MOB3B: variants seen among roughly 807,000 people sequenced by gnomAD.
MOB3B encodes MOB kinase activator 3B.
MOB3B carries 7 observed loss-of-function variants against 18.7 expected under a neutral mutation model. The ratio of observed to expected loss-of-function variants is 0.37; its 90% CI spans 0.21 to 0.70. The LOEUF (loss-of-function observed/expected upper bound fraction) is 0.70. Ranked by LOEUF, MOB3B falls within the 30% of genes least tolerant of loss-of-function variation. The pLI, the probability that MOB3B is intolerant of heterozygous loss-of-function variation, is 0.52. For missense variants in MOB3B, 253 were observed against 281.3 expected, an observed-to-expected ratio of 0.90 and a Z score of 0.72; for synonymous variants, 111 against 99.9, an observed-to-expected ratio of 1.11 and a Z score of -0.66.
chr9:27,345,729 T>A (rs1432318785), intron 3 of MOB3B, among the ~76,000 whole-genome samples: 2 of 152,224 alleles, frequency 1.3e-5, no homozygotes, highest in Non-Finnish European at 2.9e-5. Flanking sequence ...GGCTCCTTAC[T>A]CCTGTTTCAC....
At chr9:27,391,615 T>G (rs2131382918) in intron 2 of MOB3B, 1 of 152,334 alleles carries the variant, frequency 6.6e-6, no homozygotes, top group South Asian at 2.1e-4. Flanking sequence ...TCCAAAAAAT[T>G]ACAAATCATT....
chr9:27,425,100 G>A lies in MOB3B; in HGVS notation c.418+30033C>T, dbSNP rs140021944. ...ATTCAAAGTAACTGGGGGCATCCAG[G>A]CGCGGTGGCTTGTGCTTGTAATCCC... On this transcript the variant is annotated intron_variant, in intron 2 of 3. Transcript: ENST00000262244. 1.5e-3 allele frequency among the ~76,000 whole-genome samples: 234 copies of A among 152,296 alleles called. 2 individuals carry two copies. Among genetic ancestry groups the A allele is most frequent in the African/African-American group, 4.6e-3 (193 of 41,550 alleles).
At chr9:27,495,839 A>C (rs552285775) in intron 1 of MOB3B, among the ~76,000 whole-genome samples, 5 of 152,350 alleles carry the variant, frequency 3.3e-5, no homozygotes, top group African/African-American at 1.2e-4. Context: ...TCACTTTAGA[A>C]AGATAAAGTT....
chr9:27,386,634 G>A (rs762756157), intron 2 of MOB3B, among the ~76,000 whole-genome samples: 3 of 152,210 alleles, frequency 2.0e-5, no homozygotes, highest in Non-Finnish European at 4.4e-5. Context: ...GGGTCATGTG[G>A]AACACTGTAC....
At chr9:27,359,558 T>C (rs547330308) in intron 2 of MOB3B, among the ~76,000 whole-genome samples, 2 of 152,328 alleles carry the variant, frequency 1.3e-5, no homozygotes, top group Non-Finnish European at 1.5e-5. Context: ...CTGCATTTTT[T>C]AAACATTAGC....
intron 1 of MOB3B, among the ~76,000 whole-genome samples, chr9:27,472,580 G>A (rs966221129): frequency 1.3e-5 from 2 of 148,484 alleles, no homozygotes; most frequent in Admixed American, 1.4e-4. Flanking sequence ...GAAACACACA[G>A]TCACCATTCC....
In MOB3B at chr9:27,504,259, C is replaced by T. The variant is rs1009772954; in HGVS notation, c.-199+25296G>A. ...CCCCAGTCCAGTGATAACAATGCTA[C>T]TGCAGGATTTGCACCATGATTTTAA... On this transcript the variant is annotated intron_variant, in intron 1 of 3. Transcript: ENST00000262244. 3.9e-5 allele frequency among the ~76,000 whole-genome samples: 6 copies of T among 152,224 alleles called. No individual in the cohort carries two copies. The South Asian group carries it at 8.3e-4, about 21-fold the overall frequency.
At chr9:27,370,628 T>C (rs1004492810) in intron 2 of MOB3B, among the ~76,000 whole-genome samples, 1 of 152,134 alleles carries the variant, frequency 6.6e-6, no homozygotes, top group Admixed American at 6.5e-5. Context: ...CACCAGACAC[T>C]GAATCTGTCA....
chr9:27,516,400 G>C (rs1820234639), intron 1 of MOB3B, among the ~76,000 whole-genome samples: 1 of 152,178 alleles, frequency 6.6e-6, no homozygotes, highest in African/African-American at 2.4e-5. Context: ...TATTTCATGG[G>C]AGGCATATAC....
intron 2 of MOB3B, among the ~76,000 whole-genome samples, chr9:27,449,197 T>C (rs761192101): frequency 6.6e-6 from 1 of 152,216 alleles, no homozygotes; most frequent in East Asian, 1.9e-4. Flanking sequence ...TTTATAACCC[T>C]CATCACAGAG....
intron 2 of MOB3B, among the ~76,000 whole-genome samples, chr9:27,391,570 T>C (rs1488944210): frequency 6.6e-6 from 1 of 152,228 alleles, no homozygotes; most frequent in Non-Finnish European, 1.5e-5. Flanking sequence ...TTAATGAAAG[T>C]AAGTGTTTAC....
At chr9:27,512,877 AATGT>A (rs2131502093) in intron 1 of MOB3B, among the ~76,000 whole-genome samples, 1 of 152,322 alleles carries the variant, frequency 6.6e-6, no homozygotes, top group South Asian at 2.1e-4. Context: ...TAAATATCAT[AATGT>A]ATAGGAATAT....
In MOB3B at chr9:27,330,356, T is replaced by C; in HGVS notation, c.*231A>G. 1 of 502,068 alleles carries C rather than the reference T, an allele frequency of 2.0e-6. No homozygotes were observed. The highest frequency in any genetic ancestry group is 3.5e-6 in the Non-Finnish European group (1 of 283,532). The allele number at this position is 502,068 out of a possible 1,614,324, so 31.1% of individuals were successfully genotyped here. A position where few individuals can be genotyped will look rare whatever the true frequency, so the allele number is the denominator to read the frequency against. On this transcript the variant is annotated 3_prime_UTR_variant, in exon 4 of 4. Transcript: ENST00000262244. ...CCAGCCAGAACGGTCAAGGGGCTGG[T>C]CCTTCTTTCACGTTGTGGTCTGCCT...
chr9:27,383,681 C>T (rs1013967306), intron 2 of MOB3B, among the ~76,000 whole-genome samples: 7 of 152,104 alleles, frequency 4.6e-5, no homozygotes, highest in African/African-American at 1.7e-4. Flanking sequence ...CTCTGTGAAC[C>T]CAGTAGGCTG....
intron 2 of MOB3B, among the ~76,000 whole-genome samples, chr9:27,363,760 A>G (rs1297749686): frequency 6.6e-6 from 1 of 152,096 alleles, no homozygotes; most frequent in Non-Finnish European, 1.5e-5. Context: ...TCATTGTTTA[A>G]GGACAGGGTT....
chr9:27,477,211 C>T (rs1052540023), intron 1 of MOB3B, among the ~76,000 whole-genome samples: 8 of 152,204 alleles, frequency 5.3e-5, no homozygotes, highest in South Asian at 2.1e-4. Flanking sequence ...CACTCTTGCT[C>T]ACAGGAGTTG....
chr9:27,380,426 A>T (rs1821560176), intron 2 of MOB3B, among the ~76,000 whole-genome samples: 1 of 151,840 alleles, frequency 6.6e-6, no homozygotes, highest in South Asian at 2.1e-4. Flanking sequence ...TTTAGTAGAG[A>T]CAGGTTTTCA....
At chr9:27,438,178 C>G (rs1255394136) in intron 2 of MOB3B, among the ~76,000 whole-genome samples, 2 of 152,208 alleles carry the variant, frequency 1.3e-5, no homozygotes, top group East Asian at 3.9e-4. Flanking sequence ...CATCGTCACC[C>G]TACCGTATAC....
rs1254445958 is a variant in MOB3B at position 27,506,271 on chromosome 9, A to C, written c.-199+23284T>G. On this transcript the variant is annotated intron_variant, in intron 1 of 3. Transcript: ENST00000262244. ...ACTCTTTATTTAATATCCCCAATTA[A>C]GAGGCTTTTAATTCATGTTTAACAT... 2.6e-5 allele frequency among the ~76,000 whole-genome samples: 4 copies of C among 152,190 alleles called. No homozygotes were observed. In the East Asian group the frequency reaches 7.7e-4, roughly 29 times the overall value.
Sources: gnomAD v4.1 joint callset for allele counts (sites outside exome capture counted in the v4.1 genomes callset) on GRCh38, gnomAD v4.1.1 for gene constraint, MANE v1.5 for transcripts, NCBI Gene and HGNC (gene_info 2026-07-23, HGNC 2026-07-21) for gene names.